The following AGBL1 variants were observed in gnomAD, a reference collection of about 807,000 sequenced individuals.
The protein encoded by AGBL1 is cytosolic carboxypeptidase 4.
A neutral mutation model predicts 118.9 loss-of-function variants in AGBL1; 130 were observed. The observed-to-expected ratio is 1.09, with a 90% CI of 0.95 to 1.26. The LOEUF (loss-of-function observed/expected upper bound fraction) is 1.26, where lower values mean the gene tolerates loss of function less well. AGBL1 is among the 50% of genes most tolerant of loss of function. The pLI is 0.00. For synonymous variants in AGBL1, 555 were observed against 478.9 expected (o/e 1.16, Z -2.08); for missense variants, 1,584 against 1,298.1 (o/e 1.22, Z -3.38).
At chr15:86,253,027 G>A (rs112696255) in intron 7 of AGBL1, among the ~76,000 whole-genome samples, 7 of 152,250 alleles carry the variant, frequency 4.6e-5, no homozygotes, top group South Asian at 2.1e-4. Flanking sequence ...TGCCATGAGG[G>A]TCTGGAGACG....
At chr15:86,745,385 T>C (rs1399740069) in intron 22 of AGBL1, among the ~76,000 whole-genome samples, 1 of 152,140 alleles carries the variant, frequency 6.6e-6, no homozygotes, top group South Asian at 2.1e-4. Flanking sequence ...AAACATTATA[T>C]TGAGGGCCGT....
At chr15:86,104,524 T>C (rs537434707) in intron 1 of AGBL1, among the ~76,000 whole-genome samples, 1 of 152,132 alleles carries the variant, frequency 6.6e-6, no homozygotes, top group East Asian at 1.9e-4. Context: ...CAGCAGCCAG[T>C]AGTGGCAATG....
At chr15:86,413,135 A>T (rs922948451) in intron 18 of AGBL1, among the ~76,000 whole-genome samples, 1 of 152,194 alleles carries the variant, frequency 6.6e-6, no homozygotes, top group Admixed American at 6.6e-5. Context: ...GGTGAAAGAC[A>T]TCTTACATTT....
At position 87,029,027 on chromosome 15, in the gene AGBL1, C is replaced by T. The variant is rs2141816903; in HGVS notation, c.*187C>T. On this transcript the variant is annotated 3_prime_UTR_variant, in exon 25 of 25. Coordinates refer to the AGBL1 transcript ENST00000441037. ...ATAAGAAAACATAAGGACAGGCAAT[C>T]TTCATAAAAATAGACTCCACCTATT... is the stretch of plus-strand genomic sequence containing the variant. The T allele has an allele frequency of 5.2e-6, 3 of 574,678 alleles. No individual in the cohort carries two copies. In the East Asian group the frequency reaches 8.8e-5, roughly 17 times the overall value. The allele number at this position is 574,678 out of a possible 1,614,324, so 35.6% of individuals were successfully genotyped here.
intron 17 of AGBL1, among the ~76,000 whole-genome samples, chr15:86,363,197 C>A (rs545225027): frequency 6.6e-6 from 1 of 152,096 alleles, no homozygotes; most frequent in Non-Finnish European, 1.5e-5. Context: ...AAAGCTCCTA[C>A]AAAGGCACTT....
Position 86,799,715 on chromosome 15 carries a change from C to T in AGBL1, c.3159-107372C>T, listed in dbSNP as rs997653184. On this transcript the variant is annotated intron_variant, in intron 22 of 22. Transcript: ENST00000614907. The stretch of plus-strand genomic sequence containing the variant: ...CTTTGGACAAAAAAAAGAAAACCCC[C>T]TTACATCTTCATTTGACTCCACAAG... Among the ~76,000 whole-genome samples the T allele has an allele frequency of 1.4e-4, 22 of 152,062 alleles. 1 individual carries two copies. Among genetic ancestry groups the T allele is most frequent in the East Asian group, 3.8e-4 (2 of 5,200 alleles).
At chr15:86,273,120 C>A (rs1018241979) in intron 15 of AGBL1, among the ~76,000 whole-genome samples, 1 of 150,442 alleles carries the variant, frequency 6.6e-6, no homozygotes, top group African/African-American at 2.5e-5. Flanking sequence ...ATTGGACAAA[C>A]ATAACATTTC....
intron 22 of AGBL1, among the ~76,000 whole-genome samples, chr15:86,733,503 A>G (rs1373146870): frequency 1.3e-5 from 2 of 152,224 alleles, no homozygotes; most frequent in Non-Finnish European, 2.9e-5. Flanking sequence ...ACATAAAATT[A>G]ACTGTCCCAG....
chr15:86,509,946 A>ATTTT lies in AGBL1; in HGVS notation c.2556-12852_2556-12849dup, dbSNP rs71144048. ...AAGTGTCAAAACAAGGCTGAAGCTC[A>ATTTT]TTTTTTTTTTTTTTTCCTGATTTCT... is the stretch of plus-strand genomic sequence containing the variant. On this transcript the variant is annotated intron_variant, in intron 18 of 22. Coordinates refer to ENST00000614907, the MANE Select transcript of AGBL1 (RefSeq NM_001386094.1). 6.5e-3 allele frequency among the ~76,000 whole-genome samples: 931 copies of ATTTT among 142,850 alleles called. 9 individuals are homozygous for ATTTT. Among genetic ancestry groups the ATTTT allele is most frequent in the African/African-American group, 0.019 (761 of 39,426 alleles). The allele number at this position is 142,850 out of a possible 152,430, so 93.7% of individuals were successfully genotyped here. A position where few individuals can be genotyped will look rare whatever the true frequency, so the allele number is the denominator to read the frequency against.
chr15:86,933,394 T>G (rs2080629059), intron 23 of AGBL1, among the ~76,000 whole-genome samples: 1 of 152,096 alleles, frequency 6.6e-6, no homozygotes, highest in Admixed American at 6.6e-5. Flanking sequence ...TGAATTCTGC[T>G]CAAATGTAGG....
At chr15:86,264,066 C>A (rs1348407915) in intron 10 of AGBL1, among the ~76,000 whole-genome samples, 192 bp from the exon 11 acceptor site, 4 of 152,124 alleles carry the variant, frequency 2.6e-5, no homozygotes. Context: ...AAGCCCCTTC[C>A]AAACATGAGT....
intron 17 of AGBL1, 191 bp downstream of exon 17, chr15:86,295,599 G>A: frequency 4.3e-6 from 2 of 470,244 alleles, no homozygotes; most frequent in Non-Finnish European, 7.1e-6. Flanking sequence ...TGTTGTTAAA[G>A]GGAGAGAAAA....
At chr15:86,466,538 G>A (rs984478646) in intron 18 of AGBL1, among the ~76,000 whole-genome samples, 7 of 152,198 alleles carry the variant, frequency 4.6e-5, no homozygotes, top group African/African-American at 1.7e-4. Flanking sequence ...TCCCTTGCTG[G>A]CAAGGAGTTG....
chr15:86,908,354 C>T lies in AGBL1; in HGVS notation c.*1060C>T, dbSNP rs2080308771. On this transcript the variant is annotated 3_prime_UTR_variant, in exon 23 of 23. Transcript: ENST00000614907. ...CTGTCTCTACTAAACCCCATCTCTA[C>T]AAAAATTAGCCAAGTGTGGTGGCGC... is the stretch of plus-strand genomic sequence containing the variant. 6.6e-6 allele frequency: 1 copy of T among 152,056 alleles called. No homozygotes were observed. The highest frequency in any genetic ancestry group is 2.4e-5 in the African/African-American group (1 of 41,390). The allele number at this position is 152,056 out of a possible 1,614,324, so 9.4% of individuals were successfully genotyped here.
chr15:86,209,344 G>A (rs965028186), intron 5 of AGBL1, among the ~76,000 whole-genome samples: 2 of 152,166 alleles, frequency 1.3e-5, no homozygotes, highest in Non-Finnish European at 2.9e-5. Flanking sequence ...GCTTGGTGCA[G>A]AGCTGAGTTT....
chr15:86,173,998 T>C (rs937612066), intron 5 of AGBL1, among the ~76,000 whole-genome samples: 2 of 152,174 alleles, frequency 1.3e-5, no homozygotes, highest in African/African-American at 4.8e-5. Flanking sequence ...GGTATTTTGA[T>C]GGGGGTTGCA....
intron 17 of AGBL1, among the ~76,000 whole-genome samples, chr15:86,354,935 CTT>C (rs1276510918): frequency 6.6e-6 from 1 of 152,170 alleles, no homozygotes; most frequent in Admixed American, 6.5e-5. Context: ...ATGAAACAAA[CTT>C]GATGTGCTGT....
intron 24 of AGBL1, among the ~76,000 whole-genome samples, chr15:87,009,947 G>A (rs1293429741): frequency 6.6e-6 from 1 of 152,162 alleles, no homozygotes; most frequent in Non-Finnish European, 1.5e-5. Context: ...ATGCTCATAT[G>A]CAGAAGGGAC....
At chr15:86,266,501 T>A (rs1198578860) in intron 12 of AGBL1, 44 bp downstream of exon 12, 1 of 1,364,258 alleles carries the variant, frequency 7.3e-7, no homozygotes, top group Admixed American at 2.1e-5. Context: ...CATGGAGAAT[T>A]CTCTTAATGG....
Sources: allele counts gnomAD v4.1 joint callset (sites outside exome capture counted in the v4.1 genomes callset), GRCh38; gene constraint gnomAD v4.1.1; transcripts MANE v1.5; gene names NCBI Gene and HGNC (gene_info 2026-07-23, HGNC 2026-07-21).